The following HIVEP3 variants were observed in gnomAD, a reference collection of about 807,000 sequenced individuals.
HIVEP3 encodes HIVEP zinc finger 3, also known as transcription factor HIVEP3.
A neutral mutation model predicts 152.8 loss-of-function variants in HIVEP3; 49 were observed. That is an observed-to-expected ratio of 0.32 (90% confidence interval 0.26 to 0.41). The LOEUF is 0.41. HIVEP3 is among the 10% of genes least tolerant of loss of function. The pLI, the probability that HIVEP3 is intolerant of heterozygous loss-of-function variation, is 1.00. For synonymous variants in HIVEP3, 1,269 were observed against 1,289.0 expected (o/e 0.98, Z 0.33); for missense variants, 2,790 against 3,103.3 (o/e 0.90, Z 2.40).
chr1:42,019,191 T>G (rs1293184159), intron 1 of HIVEP3, among the ~76,000 whole-genome samples: 2 of 152,058 alleles, frequency 1.3e-5, no homozygotes, highest in Non-Finnish European at 2.9e-5. Flanking sequence ...CTCAGCCTCC[T>G]TCATATTCTT....
intron 1 of HIVEP3, among the ~76,000 whole-genome samples, chr1:41,840,508 T>A (rs1643256278): frequency 6.6e-6 from 1 of 152,174 alleles, no homozygotes; most frequent in African/African-American, 2.4e-5. Context: ...GCTGACACCT[T>A]GATTTCAGAC....
At chr1:41,654,454 A>C (rs1279399791) in intron 2 of HIVEP3, among the ~76,000 whole-genome samples, 1 of 152,226 alleles carries the variant, frequency 6.6e-6, no homozygotes, top group Admixed American at 6.5e-5. Context: ...GGATTCATTC[A>C]TTTATTTTTA....
chr1:41,860,842 T>A (rs1459032974), intron 1 of HIVEP3, among the ~76,000 whole-genome samples: 9 of 152,334 alleles, frequency 5.9e-5, no homozygotes, highest in Non-Finnish European at 1.3e-4. Context: ...GAATTCTGGC[T>A]AATTTTCCTG....
At chr1:41,653,953 C>CAA (rs55707109) in intron 2 of HIVEP3, among the ~76,000 whole-genome samples, 39 of 46,204 alleles carry the variant, frequency 8.4e-4, no homozygotes, top group African/African-American at 2.1e-3. Flanking sequence ...TTTTCTACTG[C>CAA]AAAAAAAAAA....
At chr1:41,596,069 C>A (rs1292842942) in intron 3 of HIVEP3, among the ~76,000 whole-genome samples, 1 of 152,162 alleles carries the variant, frequency 6.6e-6, no homozygotes, top group Non-Finnish European at 1.5e-5. Flanking sequence ...TTTCAGGGCT[C>A]CAGGCAGGAG....
chr1:41,782,492 C>T (rs60128585), intron 1 of HIVEP3, among the ~76,000 whole-genome samples: 5,029 of 152,088 alleles, frequency 0.033, 278 homozygotes, highest in African/African-American at 0.12. Context: ...CCAGCACTTT[C>T]GGAAGCCAAG....
At chr1:41,651,057 G>C (rs1176700465) in intron 2 of HIVEP3, among the ~76,000 whole-genome samples, 3 of 152,170 alleles carry the variant, frequency 2.0e-5, no homozygotes, top group African/African-American at 7.2e-5. Context: ...GGTACAGTCA[G>C]CTCTATCTGT....
intron 3 of HIVEP3, among the ~76,000 whole-genome samples, chr1:41,591,212 T>C (rs1212609057): frequency 6.6e-6 from 1 of 152,112 alleles, no homozygotes; most frequent in Non-Finnish European, 1.5e-5. Context: ...GGGGTTACCA[T>C]GTATGTAAAG....
At chr1:42,024,246 A>G (rs9970814) in intron 1 of HIVEP3, among the ~76,000 whole-genome samples, 2,468 of 152,310 alleles carry the variant, frequency 0.016, 63 homozygotes, top group African/African-American at 0.057. Context: ...CATTTCAAAC[A>G]TATTTTCCTT....
chr1:41,558,662 C>T (rs1186930478), intron 5 of HIVEP3, among the ~76,000 whole-genome samples: 1 of 152,208 alleles, frequency 6.6e-6, no homozygotes, highest in Non-Finnish European at 1.5e-5. Context: ...GAGGAGCTTC[C>T]CTCGGCCTCC....
At chr1:41,613,668 G>A (rs1382690031) in intron 3 of HIVEP3, among the ~76,000 whole-genome samples, 1 of 152,172 alleles carries the variant, frequency 6.6e-6, no homozygotes, top group African/African-American at 2.4e-5. Context: ...TTTAAATGCT[G>A]TCTAGTCATT....
At chr1:41,697,574 T>C (rs533292118) in intron 2 of HIVEP3, among the ~76,000 whole-genome samples, 8 of 152,208 alleles carry the variant, frequency 5.3e-5, no homozygotes, top group Admixed American at 2.0e-4. Context: ...GGCTGGCAGG[T>C]GTCAGGCCTT....
At chr1:41,739,582 A>G (rs969586346) in intron 1 of HIVEP3, among the ~76,000 whole-genome samples, 6 of 150,716 alleles carry the variant, frequency 4.0e-5, no homozygotes, top group Non-Finnish European at 7.4e-5. Context: ...GGTTGCCCCC[A>G]CCCCCTCTGC....
chr1:41,971,292 G>C (rs1178341703), intron 1 of HIVEP3, among the ~76,000 whole-genome samples: 2 of 152,178 alleles, frequency 1.3e-5, no homozygotes, highest in Non-Finnish European at 2.9e-5. Context: ...TGGGGAGGGG[G>C]TCAGAAAACA....
Position 41,506,604 on chromosome 1 carries a change from G to T in HIVEP3, c.*3847C>A, listed in dbSNP as rs74071557. On this transcript the variant is annotated 3_prime_UTR_variant, in exon 9 of 9. Coordinates refer to ENST00000372583, the MANE Select transcript of HIVEP3 (RefSeq NM_024503.5). Reference sequence around the variant, plus strand: ...GCGTGGATTTTTGTTTTTTTTTTTTGTTTGTTTCTGTTTTGTTTTTTCTTT... The same window carrying T: ...GCGTGGATTTTTGTTTTTTTTTTTTTTTTGTTTCTGTTTTGTTTTTTCTTT... 452 of 54,412 alleles carry T rather than the reference G, an allele frequency of 8.3e-3. 1 individual carries two copies. The highest frequency in any genetic ancestry group is 0.026 in the Middle Eastern group (2 of 76). 3.4% of individuals were successfully genotyped at this position (54,412 alleles called of 1,614,324 possible).
rs10660316 is a variant in HIVEP3 at position 41,928,060 on chromosome 1, C to CAAAAAAAA, written n.120-9544_120-9537dup. 4.6e-5 allele frequency among the ~76,000 whole-genome samples: 4 copies of CAAAAAAAA among 86,316 alleles called. 1 individual carries two copies. The highest frequency in any genetic ancestry group is 4.6e-4 in the South Asian group (1 of 2,154). The allele number at this position is 86,316 out of a possible 152,430, so 56.6% of individuals were successfully genotyped here. On this transcript the variant is annotated intron_variant and non_coding_transcript_variant, in intron 1 of 3. Transcript: ENST00000489103. ...TGGGTGACAGGGCGAGACTCCATCTCAAAAAAAAAAAAAAAAAAAAGGCTT... is the reference window on the plus strand; with the variant it reads ...TGGGTGACAGGGCGAGACTCCATCTCAAAAAAAAAAAAAAAAAAAAAAAAAAAAGGCTT...
chr1:41,692,720 C>T (rs1029049446), intron 2 of HIVEP3, among the ~76,000 whole-genome samples: 1 of 152,182 alleles, frequency 6.6e-6, no homozygotes, highest in Non-Finnish European at 1.5e-5. Flanking sequence ...TTGGAATGGA[C>T]GTTCCATACC....
rs187034331 is a variant in HIVEP3 at position 41,818,592 on chromosome 1, C to T, written c.-801+99821G>A. Among the ~76,000 whole-genome samples, 20 of 152,208 alleles carry T rather than the reference C, an allele frequency of 1.3e-4. No individual in the cohort carries two copies. The East Asian group carries it at 2.7e-3, about 21-fold the overall frequency. On this transcript the variant is annotated intron_variant, in intron 1 of 8. Transcript: ENST00000372583. Reference sequence around the variant, plus strand: ...GATGTGAAACACCATTGAAACACCACGCAGTCATTGGAAGCAGTGGCCTGA... The same window carrying T: ...GATGTGAAACACCATTGAAACACCATGCAGTCATTGGAAGCAGTGGCCTGA...
chr1:42,023,993 T>C (rs1236032115), intron 1 of HIVEP3, among the ~76,000 whole-genome samples: 2 of 152,228 alleles, frequency 1.3e-5, no homozygotes, highest in African/African-American at 2.4e-5. Context: ...AGTAGTGTTT[T>C]TGGGCTTTCT....
Sources: allele counts gnomAD v4.1 joint callset (sites outside exome capture counted in the v4.1 genomes callset), GRCh38; gene constraint gnomAD v4.1.1; transcripts MANE v1.5; gene names NCBI Gene and HGNC (gene_info 2026-07-23, HGNC 2026-07-21).